The following CEP290 variants were observed in gnomAD, a reference collection of about 807,000 sequenced individuals.
CEP290 encodes centrosomal protein of 290 kDa.
In CEP290, 317 loss-of-function variants were observed where a neutral mutation model predicts 344.9. The observed-to-expected ratio is 0.92, with a 90% confidence interval of 0.84 to 1.01. The LOEUF (loss-of-function observed/expected upper bound fraction) is 1.01. CEP290 is among the 50% of genes least tolerant of loss of function. CEP290 has a pLI of 0.00. For synonymous variants in CEP290, 932 were observed against 895.8 expected (o/e 1.04, Z -0.72); for missense variants, 2,754 against 2,761.4 (o/e 1.00, Z 0.06).
chr12:88,055,457 C>T, intron 50 of CEP290, 119 bp downstream of exon 50: 1 of 772,964 alleles, frequency 1.3e-6, no homozygotes, highest in Non-Finnish European at 1.9e-6. Context: ...GAATGGGGTG[C>T]CCTTCAGTTA....
rs752197734 is a variant in CEP290, at chr12:88,068,657, A to T, written c.6012-12T>A. ...GAGCTTGGTGGGCCCTATGAACAAC[A>T]ATCACAGACTCTTTACTATTCACAT... On this transcript the variant is annotated splice_polypyrimidine_tract_variant and intron_variant, in intron 43 of 53. Transcript: ENST00000552810. The T allele has an allele frequency of 2.1e-5, 33 of 1,587,620 alleles. No individual in the cohort carries two copies. In the East Asian group the frequency reaches 7.6e-4, roughly 37 times the overall value.
intron 41 of CEP290, among the ~76,000 whole-genome samples, chr12:88,075,790 A>G (rs768313676): frequency 3.9e-5 from 6 of 152,208 alleles, no homozygotes; most frequent in Admixed American, 2.0e-4. Flanking sequence ...CTGAATGCCA[A>G]TTTTAATACT....
intron 13 of CEP290, among the ~76,000 whole-genome samples, chr12:88,121,444 A>G (rs1207034423): frequency 6.6e-6 from 1 of 152,120 alleles, no homozygotes; most frequent in African/African-American, 2.4e-5. Flanking sequence ...ACAGACTGCT[A>G]GCTGTTCCTA....
intron 22 of CEP290, among the ~76,000 whole-genome samples, chr12:88,109,445 C>T (rs755430245): frequency 2.0e-5 from 3 of 152,118 alleles, no homozygotes; most frequent in Non-Finnish European, 2.9e-5. Context: ...GTTATAAACT[C>T]GCCTCTAGTC....
intron 51 of CEP290, 119 bp from the exon 52 acceptor site, chr12:88,053,865 TA>T (rs2136627696): frequency 3.7e-6 from 2 of 537,884 alleles, no homozygotes; most frequent in South Asian, 5.6e-5. Flanking sequence ...TTTATCGAAG[TA>T]AACATTTACT....
At position 88,102,834 on chromosome 12, in the gene CEP290, T is replaced by A; in HGVS notation, c.2991+4A>T. ...CACAAGGTTCAAGAATCACACAAAC[T>A]TACCTCCAGGTGTTCCAAGTTACTT... On this transcript the variant is annotated splice_donor_region_variant and intron_variant, in intron 26 of 53. Coordinates refer to ENST00000552810, the MANE Select transcript of CEP290 (RefSeq NM_025114.4). 1 of 1,608,410 alleles carries A rather than the reference T, an allele frequency of 6.2e-7. No individual in the cohort carries two copies. The highest frequency in any genetic ancestry group is 8.5e-7 in the Non-Finnish European group (1 of 1,177,704).
chr12:88,137,885 C>T (rs2040431120), intron 5 of CEP290, among the ~76,000 whole-genome samples: 1 of 152,154 alleles, frequency 6.6e-6, no homozygotes, highest in Non-Finnish European at 1.5e-5. Flanking sequence ...TGCTTTCTCA[C>T]AAAATATCCT....
Position 88,106,992 on chromosome 12 carries a change from T to C in CEP290, c.2586+4A>G. ...CATACTAATGTTAAAAATGTTTTAC[T>C]TACATTATATTCTTTTACTTTTATA... On this transcript the variant is annotated splice_donor_region_variant and intron_variant, in intron 24 of 53. Coordinates refer to ENST00000552810, the MANE Select transcript of CEP290 (RefSeq NM_025114.4). The C allele has an allele frequency of 6.5e-7, 1 of 1,538,900 alleles. No homozygotes were observed. The highest frequency in any genetic ancestry group is 8.8e-7 in the Non-Finnish European group (1 of 1,139,020).
chr12:88,063,894 C>G lies in CEP290; in HGVS notation c.6270+87G>C, dbSNP rs1592753330. ...ATATATTAGGAATATGCATTTTTGACTTCTTAATAAGCTAATAAAAGTAAA... is the reference window on the plus strand; with the variant it reads ...ATATATTAGGAATATGCATTTTTGAGTTCTTAATAAGCTAATAAAAGTAAA... On this transcript the variant is annotated intron_variant, in intron 45 of 53. Coordinates refer to ENST00000552810, the MANE Select transcript of CEP290 (RefSeq NM_025114.4). 9 of 1,142,278 alleles carry G rather than the reference C, an allele frequency of 7.9e-6. No individual in the cohort carries two copies. In the East Asian group the frequency reaches 2.3e-4, roughly 29 times the overall value. 70.8% of individuals were successfully genotyped at this position (1,142,278 alleles called of 1,614,324 possible). A position where few individuals can be genotyped will look rare whatever the true frequency, so the allele number is the denominator to read the frequency against.
At chr12:88,096,513 G>A (rs1169575548) in intron 27 of CEP290, among the ~76,000 whole-genome samples, 1 of 151,874 alleles carries the variant, frequency 6.6e-6, no homozygotes, top group Non-Finnish European at 1.5e-5. Flanking sequence ...CTGTTTCCTG[G>A]TATCTTTTAA....
intron 18 of CEP290, chr12:88,115,511 TA>T: frequency 7.7e-7 from 1 of 1,296,974 alleles, no homozygotes; most frequent in South Asian, 1.2e-5. Flanking sequence ...GTTCAAGCTC[TA>T]TATCTGCATT....
At chr12:88,065,005 G>A (rs2034794632) in intron 44 of CEP290, among the ~76,000 whole-genome samples, 1 of 151,980 alleles carries the variant, frequency 6.6e-6, no homozygotes, top group African/African-American at 2.4e-5. Context: ...CTTTTGACCT[G>A]AATCTACATT....
At chr12:88,110,261 T>C (rs1052053506) in intron 22 of CEP290, among the ~76,000 whole-genome samples, 1 of 152,102 alleles carries the variant, frequency 6.6e-6, no homozygotes, top group Admixed American at 6.6e-5. Flanking sequence ...ATGAAAAGGA[T>C]CTGTCATTAG....
intron 48 of CEP290, among the ~76,000 whole-genome samples, 158 bp downstream of exon 48, chr12:88,059,740 A>G (rs1565791503): frequency 1.3e-5 from 2 of 152,158 alleles, no homozygotes; most frequent in Non-Finnish European, 2.9e-5. Context: ...AATGTTTTTC[A>G]TGGTGGAATG....
intron 50 of CEP290, 108 bp downstream of exon 50, chr12:88,055,468 G>A (rs2033921711): frequency 3.1e-6 from 3 of 955,248 alleles, no homozygotes; most frequent in Admixed American, 4.1e-5. Context: ...CCTTCAGTTA[G>A]ATGGGTCTTC....
intron 28 of CEP290, 42 bp downstream of exon 28, chr12:88,093,728 T>G (rs1208107494): frequency 7.0e-7 from 1 of 1,437,248 alleles, no homozygotes. Flanking sequence ...CAAAACTAAT[T>G]CTTTATTCTA....
At chr12:88,101,856 A>G (rs994394993) in intron 26 of CEP290, among the ~76,000 whole-genome samples, 5 of 152,192 alleles carry the variant, frequency 3.3e-5, no homozygotes, top group African/African-American at 9.7e-5. Context: ...ATAATTTTCT[A>G]TAAAAAGTAA....
chr12:88,088,068 A>G, intron 31 of CEP290, 124 bp from the exon 32 acceptor site: 1 of 404,970 alleles, frequency 2.5e-6, no homozygotes, highest in African/African-American at 2.1e-5. Context: ...ACACAATGTT[A>G]TCTTTTGTCA....
At chr12:88,088,562 G>A (rs571427803) in intron 31 of CEP290, among the ~76,000 whole-genome samples, 41 of 152,086 alleles carry the variant, frequency 2.7e-4, no homozygotes, top group African/African-American at 3.9e-4. Flanking sequence ...TTATTTTTAC[G>A]TATAATAGAC....
Sources: allele counts gnomAD v4.1 joint callset (sites outside exome capture counted in the v4.1 genomes callset), GRCh38; gene constraint gnomAD v4.1.1; transcripts MANE v1.5; gene names NCBI Gene and HGNC (gene_info 2026-07-23, HGNC 2026-07-21).